Variants in MYO10 observed in about 807,000 individuals in gnomAD.
MYO10 encodes unconventional myosin-X.
MYO10 carries 133 observed loss-of-function variants against 257.3 expected under a neutral mutation model. The ratio of observed to expected loss-of-function variants is 0.52; its 90% CI spans 0.45 to 0.60. The LOEUF (loss-of-function observed/expected upper bound fraction) is 0.60. Ranked by LOEUF, MYO10 falls within the 20% of genes least tolerant of loss-of-function variation. MYO10 has a pLI of 0.00. For missense variants in MYO10, 2,399 were observed against 2,635.7 expected (o/e 0.91, Z 1.97); for synonymous variants, 1,104 against 1,028.6 (o/e 1.07, Z -1.40).
Position 16,680,080 on chromosome 5 carries a change from C to A in MYO10, c.4409G>T (p.Gly1470Val). 1 of 1,611,634 alleles carries A rather than the reference C, an allele frequency of 6.2e-7. No homozygotes were observed. The highest frequency in any genetic ancestry group is 8.5e-7 in the Non-Finnish European group (1 of 1,178,656). Residue 1470 changes from glycine to valine, a missense_variant, in exon 33 of 41, where the codon GGG (glycine) becomes GTG (valine). Coordinates refer to ENST00000513610, the MANE Select transcript of MYO10 (RefSeq NM_012334.3). ...GTAGAGCCGGTAACAGTGCTTGCGC[C>A]CGTACACGGTGACGTTCCAGTAGCC... is the stretch of plus-strand genomic sequence containing the variant. ...ETGYWNVTVY[G>V]RKHCYRLYTK... is the part of the protein sequence containing the mutation.
At chr5:16,816,947 G>A (rs374358623) in intron 3 of MYO10, among the ~76,000 whole-genome samples, 4 of 152,240 alleles carry the variant, frequency 2.6e-5, no homozygotes, top group Admixed American at 2.6e-4. Context: ...AGCCTCCTGA[G>A]TAGCCGGGAT....
intron 2 of MYO10, among the ~76,000 whole-genome samples, chr5:16,824,975 T>C (rs1449980007): frequency 6.6e-6 from 1 of 152,216 alleles, no homozygotes; most frequent in Non-Finnish European, 1.5e-5. Context: ...TGTCATATTA[T>C]ATTCATTCGT....
rs374450641 is a variant in MYO10, at chr5:16,683,826, G to A, written c.4046+54C>T. ...TCGTGACCCAGCAGCACAGACACCT[G>A]TGGACACACACAGGTGATGAGCTGT... On this transcript the variant is annotated intron_variant, in intron 30 of 40. Transcript: ENST00000513610. The A allele has an allele frequency of 1.3e-5, 20 of 1,570,938 alleles. No homozygotes were observed. The African/African-American group carries it at 2.7e-4, about 21-fold the overall frequency.
Position 16,686,616 on chromosome 5 carries a change from C to A in MYO10, c.3897-785G>T, listed in dbSNP as rs188274035. ...ATGGCACAATCTCGGCTCACTGCAACCTCCGCCTCCCGGGTTCAAGTGATT... is the reference window on the plus strand; with the variant it reads ...ATGGCACAATCTCGGCTCACTGCAAACTCCGCCTCCCGGGTTCAAGTGATT... On this transcript the variant is annotated intron_variant, in intron 28 of 40. Transcript: ENST00000513610. Among the ~76,000 whole-genome samples, 315 of 152,036 alleles carry A rather than the reference C, an allele frequency of 2.1e-3. 1 individual carries two copies. Among genetic ancestry groups the A allele is most frequent in the Non-Finnish European group, 3.7e-3 (253 of 67,998 alleles).
chr5:16,677,710 C>G (rs1321511458), intron 33 of MYO10, among the ~76,000 whole-genome samples: 1 of 151,298 alleles, frequency 6.6e-6, no homozygotes, highest in Non-Finnish European at 1.5e-5. Flanking sequence ...CCATCGCACC[C>G]GGCCAACTTA....
intron 2 of MYO10, among the ~76,000 whole-genome samples, chr5:16,841,792 T>C (rs1417599532): frequency 6.6e-6 from 1 of 152,190 alleles, no homozygotes; most frequent in Non-Finnish European, 1.5e-5. Context: ...GGCTTTTTTG[T>C]AAGTGCGTCT....
chr5:16,747,218 T>G (rs1192703979), intron 19 of MYO10, among the ~76,000 whole-genome samples: 3 of 152,150 alleles, frequency 2.0e-5, no homozygotes, highest in African/African-American at 7.2e-5. Context: ...ATAAAAAGAT[T>G]GATACACATT....
chr5:16,869,247 G>T (rs1050443743), intron 2 of MYO10, among the ~76,000 whole-genome samples: 1 of 142,556 alleles, frequency 7.0e-6, no homozygotes, highest in Admixed American at 7.4e-5. Flanking sequence ...CAGCATGTTA[G>T]CCAGGATGGT....
intron 19 of MYO10, chr5:16,741,747 C>T: frequency 1.1e-6 from 1 of 952,046 alleles, no homozygotes; most frequent in Non-Finnish European, 1.3e-6. Context: ...ACAATACCAT[C>T]ATCATGGCAA....
chr5:16,778,041 G>A (rs1037599619), intron 9 of MYO10, among the ~76,000 whole-genome samples: 1 of 151,604 alleles, frequency 6.6e-6, no homozygotes, highest in South Asian at 2.1e-4. Flanking sequence ...TAGCAGTGAC[G>A]GGGTTTCACT....
chr5:16,761,426 T>C, intron 17 of MYO10, 38 bp downstream of exon 17: 3 of 1,477,200 alleles, frequency 2.0e-6, no homozygotes. Flanking sequence ...AATATTCATT[T>C]GCTTGCTAAG....
chr5:16,727,490 T>C (rs1398682392), intron 19 of MYO10, among the ~76,000 whole-genome samples: 1 of 152,156 alleles, frequency 6.6e-6, no homozygotes, highest in Non-Finnish European at 1.5e-5. Context: ...TAAAAAACAA[T>C]GCTCATGCAA....
In MYO10 at chr5:16,789,665, C is replaced by T. The variant is rs527642461; in HGVS notation, c.467+4981G>A. On this transcript the variant is annotated intron_variant, in intron 4 of 40. Transcript: ENST00000513610. Reference sequence around the variant, plus strand: ...AAAGTTAGCCAGCCATGATGGTGCACGCCTGTAACCCCAGCTACCTGGGAG... The same window carrying T: ...AAAGTTAGCCAGCCATGATGGTGCATGCCTGTAACCCCAGCTACCTGGGAG... 4.6e-5 allele frequency among the ~76,000 whole-genome samples: 7 copies of T among 152,236 alleles called. No homozygotes were observed. In the East Asian group the frequency reaches 5.8e-4, roughly 13 times the overall value.
chr5:16,902,203 G>T (rs554051007), intron 1 of MYO10: 12 of 638,538 alleles, frequency 1.9e-5, no homozygotes, highest in South Asian at 1.8e-4. Flanking sequence ...CCACCACCAG[G>T]CCCGGCTAAT....
At chr5:16,882,173 A>G (rs956151350) in intron 1 of MYO10, among the ~76,000 whole-genome samples, 6 of 152,218 alleles carry the variant, frequency 3.9e-5, no homozygotes, top group Non-Finnish European at 8.8e-5. Context: ...AAGCAATCCT[A>G]TAAGACAGAG....
In MYO10 at chr5:16,677,416, C is replaced by CTTTTTTTTTTTTTTT. The variant is rs796474728; in HGVS notation, c.4543-1277_4543-1263dup. On this transcript the variant is annotated intron_variant, in intron 33 of 40. Transcript: ENST00000513610. ...ATGGACTTATTTAGGGTAACTTGAC[C>CTTTTTTTTTTTTTTT]TTTTTTTTTTTTTTTTTGAGACGGA... 4.3e-3 allele frequency among the ~76,000 whole-genome samples: 516 copies of CTTTTTTTTTTTTTTT among 119,274 alleles called. 19 individuals are homozygous for CTTTTTTTTTTTTTTT. Among genetic ancestry groups the CTTTTTTTTTTTTTTT allele is most frequent in the South Asian group, 0.016 (54 of 3,302 alleles). 78.2% of individuals were successfully genotyped at this position (119,274 alleles called of 152,430 possible).
chr5:16,805,892 A>C (rs1173885666), intron 3 of MYO10, among the ~76,000 whole-genome samples: 1 of 152,192 alleles, frequency 6.6e-6, no homozygotes, highest in African/African-American at 2.4e-5. Context: ...CTTCAATCTA[A>C]AATCTACCAA....
intron 19 of MYO10, among the ~76,000 whole-genome samples, chr5:16,741,285 C>A (rs1740009347): frequency 6.6e-6 from 1 of 152,202 alleles, no homozygotes; most frequent in South Asian, 2.1e-4. Context: ...ACATGATATT[C>A]AACAGATGAC....
chr5:16,755,676 C>T (rs73756217), intron 18 of MYO10, among the ~76,000 whole-genome samples: 3,550 of 151,136 alleles, frequency 0.023, 168 homozygotes, highest in African/African-American at 0.081. Flanking sequence ...AATCGCCAGA[C>T]TTACAGACTC....
Sources: gnomAD v4.1 joint callset for allele counts (sites outside exome capture counted in the v4.1 genomes callset) on GRCh38, gnomAD v4.1.1 for gene constraint, MANE v1.5 for transcripts, NCBI Gene and HGNC (gene_info 2026-07-23, HGNC 2026-07-21) for gene names.